MACROD2: variants seen among roughly 807,000 people sequenced by gnomAD.
MACROD2 encodes ADP-ribose glycohydrolase MACROD2.
Under a neutral mutation model 70.4 loss-of-function variants are expected in MACROD2, and 36 were observed. The ratio of observed to expected loss-of-function variants is 0.51; its 90% CI spans 0.39 to 0.68. The LOEUF is 0.68. Among genes scored for constraint, MACROD2 ranks in the 30% least tolerant of loss-of-function variants. The pLI is 0.00. For synonymous variants in MACROD2, 172 were observed against 178.8 expected (o/e 0.96, Z 0.30); for missense variants, 496 against 538.4 (o/e 0.92, Z 0.78).
At chr20:15,489,813 G>A (rs939027531) in intron 7 of MACROD2, among the ~76,000 whole-genome samples, 1 of 152,132 alleles carries the variant, frequency 6.6e-6, no homozygotes, top group African/African-American at 2.4e-5. Context: ...CAGGCTCCAG[G>A]CTAGGGTATG....
At chr20:15,370,577 A>G (rs1167119257) in intron 6 of MACROD2, among the ~76,000 whole-genome samples, 1 of 152,134 alleles carries the variant, frequency 6.6e-6, no homozygotes, top group Non-Finnish European at 1.5e-5. Context: ...CATTAAAAAT[A>G]TATACCACCA....
intron 5 of MACROD2, among the ~76,000 whole-genome samples, chr20:14,770,601 A>G (rs1366902090): frequency 6.6e-6 from 1 of 152,086 alleles, no homozygotes; most frequent in Non-Finnish European, 1.5e-5. Flanking sequence ...AGAATATTTT[A>G]TGATGATGTC....
intron 5 of MACROD2, among the ~76,000 whole-genome samples, chr20:14,784,875 T>G (rs1470878542): frequency 4.6e-5 from 7 of 151,956 alleles, no homozygotes; most frequent in Non-Finnish European, 8.8e-5. Flanking sequence ...CATCAAGCAG[T>G]CGGGAAATTG....
chr20:14,520,658 G>C (rs879743150), intron 4 of MACROD2, among the ~76,000 whole-genome samples: 9 of 151,952 alleles, frequency 5.9e-5, no homozygotes, highest in African/African-American at 1.5e-4. Context: ...TTATAATTCA[G>C]CTCAAATATT....
chr20:14,275,814 G>C (rs573742557), intron 3 of MACROD2, among the ~76,000 whole-genome samples: 1 of 151,782 alleles, frequency 6.6e-6, no homozygotes, highest in Admixed American at 6.6e-5. Context: ...ACAAGTGGGC[G>C]AAGGACATGA....
intron 6 of MACROD2, among the ~76,000 whole-genome samples, chr20:15,340,991 G>T (rs2021765): frequency 0.62 from 94,034 of 151,982 alleles, 29,178 homozygotes; most frequent in East Asian, 0.75. Context: ...GGGAATGAAA[G>T]GAATTCTTGG....
chr20:14,303,638 A>T (rs1274703375), intron 3 of MACROD2, among the ~76,000 whole-genome samples: 1 of 152,164 alleles, frequency 6.6e-6, no homozygotes, highest in Non-Finnish European at 1.5e-5. Flanking sequence ...CGTTTCCTTT[A>T]TAACTAGTAC....
At chr20:14,182,758 G>A (rs1345563983) in intron 3 of MACROD2, among the ~76,000 whole-genome samples, 4 of 151,540 alleles carry the variant, frequency 2.6e-5, no homozygotes, top group African/African-American at 7.3e-5. Context: ...TTTTTCTCCC[G>A]GGTCACTTTC....
At chr20:15,218,474 T>C (rs926459835) in intron 5 of MACROD2, among the ~76,000 whole-genome samples, 2 of 152,170 alleles carry the variant, frequency 1.3e-5, no homozygotes, top group African/African-American at 4.8e-5. Flanking sequence ...GAAGTAAAAC[T>C]ACTGTCATGA....
chr20:14,110,831 T>A (rs1360695451), intron 3 of MACROD2, among the ~76,000 whole-genome samples: 1 of 151,892 alleles, frequency 6.6e-6, no homozygotes, highest in Non-Finnish European at 1.5e-5. Flanking sequence ...GCAGTCCCTA[T>A]CAAAATACCA....
intron 5 of MACROD2, among the ~76,000 whole-genome samples, chr20:15,195,188 G>A (rs766141773): frequency 2.6e-5 from 4 of 152,168 alleles, no homozygotes; most frequent in Middle Eastern, 3.4e-3. Context: ...AGATTTTGTG[G>A]CAAAAACACC....
chr20:14,854,587 A>G (rs2073233193), intron 5 of MACROD2, among the ~76,000 whole-genome samples: 1 of 152,182 alleles, frequency 6.6e-6, no homozygotes, highest in South Asian at 2.1e-4. Flanking sequence ...ATTATATTTT[A>G]CACTACAAAG....
At chr20:15,113,763 A>AGTGTGC (rs2075972648) in intron 5 of MACROD2, among the ~76,000 whole-genome samples, 1 of 144,160 alleles carries the variant, frequency 6.9e-6, no homozygotes, top group South Asian at 2.4e-4. Context: ...GTAGTCTTGA[A>AGTGTGC]GTGTGTGTGT....
chr20:15,839,919 A>G (rs1255741168), intron 8 of MACROD2, among the ~76,000 whole-genome samples: 2 of 152,172 alleles, frequency 1.3e-5, no homozygotes, highest in African/African-American at 4.8e-5. Context: ...TTTCTGCCTC[A>G]GTTCCCTCAT....
At chr20:14,518,220 G>A (rs1408452946) in intron 4 of MACROD2, among the ~76,000 whole-genome samples, 1 of 146,274 alleles carries the variant, frequency 6.8e-6, no homozygotes, top group Non-Finnish European at 1.5e-5. Flanking sequence ...ACTATTATTT[G>A]ATTATTATTG....
intron 3 of MACROD2, among the ~76,000 whole-genome samples, chr20:14,087,397 A>G (rs1036607998): frequency 6.8e-4 from 95 of 139,046 alleles, no homozygotes; most frequent in African/African-American, 2.4e-3. Flanking sequence ...ACCATGTCTC[A>G]AAAAAAAAAA....
At chr20:15,144,598 G>C (rs1287934275) in intron 5 of MACROD2, among the ~76,000 whole-genome samples, 1 of 152,102 alleles carries the variant, frequency 6.6e-6, no homozygotes, top group Non-Finnish European at 1.5e-5. Flanking sequence ...GTTGCAAAAG[G>C]TGGGGAAATC....
At chr20:15,733,097 G>C (rs1600819044) in intron 8 of MACROD2, among the ~76,000 whole-genome samples, 1 of 152,232 alleles carries the variant, frequency 6.6e-6, no homozygotes, top group East Asian at 1.9e-4. Flanking sequence ...TTACATCTAA[G>C]TTGATTTTCA....
intron 6 of MACROD2, among the ~76,000 whole-genome samples, chr20:15,426,201 T>TAAAAA (rs35840462): frequency 1.1e-5 from 1 of 94,770 alleles, no homozygotes; most frequent in African/African-American, 3.8e-5. Flanking sequence ...GAATGATCAA[T>TAAAAA]AAAAAAAAAA....
Sources: allele counts gnomAD v4.1 joint callset (sites outside exome capture counted in the v4.1 genomes callset), GRCh38; gene constraint gnomAD v4.1.1; transcripts MANE v1.5; gene names NCBI Gene and HGNC (gene_info 2026-07-23, HGNC 2026-07-21).